The following NWD1 variants were observed in gnomAD, a reference collection of about 807,000 sequenced individuals.
NWD1 encodes NACHT domain- and WD repeat-containing protein 1.
Under a neutral mutation model 135.1 loss-of-function variants are expected in NWD1, and 129 were observed. The ratio of observed to expected loss-of-function variants is 0.96; its 90% confidence interval spans 0.83 to 1.11. The LOEUF is 1.11. Among genes scored for constraint, NWD1 ranks in the 50% least tolerant of loss-of-function variants. The probability of loss-of-function intolerance (pLI) is 0.00; values close to 1 mark genes in which losing one functional copy is unlikely to be tolerated. For synonymous variants in NWD1, 773 were observed against 786.0 expected, an observed-to-expected ratio of 0.98 and a Z score of 0.28; for missense variants, 1,740 against 1,851.3, an observed-to-expected ratio of 0.94 and a Z score of 1.10.
chr19:16,761,004 T>A (rs987787514), intron 7 of NWD1, among the ~76,000 whole-genome samples: 2 of 152,152 alleles, frequency 1.3e-5, no homozygotes, highest in Non-Finnish European at 2.9e-5. Context: ...CCTGTCCCCA[T>A]CAGCCGTCAC....
rs141813029 is a variant in NWD1, at chr19:16,775,035, C to A, written c.2608+1712C>A. ...ACCCATCTATTTATCTGCCCACCCA[C>A]AATCTCTCACACTGATTGTGAGACC... On this transcript the variant is annotated intron_variant, in intron 11 of 18. Coordinates refer to ENST00000524140, the MANE Select transcript of NWD1 (RefSeq NM_001007525.5). Among the ~76,000 whole-genome samples, 466 of 152,298 alleles carry A rather than the reference C, an allele frequency of 3.1e-3. 3 individuals carry two copies. The highest frequency in any genetic ancestry group is 0.01 in the African/African-American group (418 of 41,574).
At chr19:16,748,127 G>A (rs114007828) in intron 5 of NWD1, among the ~76,000 whole-genome samples, 4,291 of 152,144 alleles carry the variant, frequency 0.028, 168 homozygotes, top group African/African-American at 0.094. Context: ...GGGATTACAG[G>A]CGTGCGGCAT....
rs1967499362 is a variant in NWD1 at position 16,730,172 on chromosome 19, A to T, written c.-6-1020A>T. ...CCCCATCTCTACTAAAACACAAAAAATTAGCCAGGTGTGGTGGTGCACGCC... is the reference window on the plus strand; with the variant it reads ...CCCCATCTCTACTAAAACACAAAAATTTAGCCAGGTGTGGTGGTGCACGCC... On this transcript the variant is annotated intron_variant, in intron 2 of 18. Coordinates refer to ENST00000524140, the MANE Select transcript of NWD1 (RefSeq NM_001007525.5). Among the ~76,000 whole-genome samples, 4 of 151,904 alleles carry T rather than the reference A, an allele frequency of 2.6e-5. No individual in the cohort carries two copies. In the South Asian group the frequency reaches 8.3e-4, roughly 32 times the overall value.
At chr19:16,757,082 C>T (rs1057180556) in intron 6 of NWD1, among the ~76,000 whole-genome samples, 21 of 151,958 alleles carry the variant, frequency 1.4e-4, no homozygotes, top group Admixed American at 1.4e-3. Context: ...AGAATTATTT[C>T]GTTATATATT....
intron 14 of NWD1, 118 bp downstream of exon 14, chr19:16,791,740 T>TTTCAC: frequency 8.9e-7 from 1 of 1,118,216 alleles, no homozygotes; most frequent in East Asian, 2.4e-5. Context: ...GGAGATGAAG[T>TTTCAC]TTCACTTTTG....
intron 18 of NWD1, among the ~76,000 whole-genome samples, chr19:16,813,921 G>A (rs1377049827): frequency 6.6e-6 from 1 of 151,940 alleles, no homozygotes; most frequent in Non-Finnish European, 1.5e-5. Flanking sequence ...GGAGGCCGAT[G>A]TAGGAGGACT....
chr19:16,724,055 T>C (rs1290476325), intron 1 of NWD1, among the ~76,000 whole-genome samples: 1 of 152,152 alleles, frequency 6.6e-6, no homozygotes, highest in Non-Finnish European at 1.5e-5. Flanking sequence ...AGGGTGCTCT[T>C]GGGGAATCCC....
At chr19:16,729,714 C>CA in intron 2 of NWD1, among the ~76,000 whole-genome samples, 1 of 150,822 alleles carries the variant, frequency 6.6e-6, no homozygotes, top group East Asian at 2.0e-4. Context: ...ACTAAAAATA[C>CA]AAAAATTAGC....
At chr19:16,814,549 A>C (rs1056909347) in intron 18 of NWD1, among the ~76,000 whole-genome samples, 1 of 152,236 alleles carries the variant, frequency 6.6e-6, no homozygotes, top group African/African-American at 2.4e-5. Context: ...AGCCTACTAC[A>C]TTGTAGTTGA....
chr19:16,782,259 G>A (rs1031415796), intron 12 of NWD1, among the ~76,000 whole-genome samples: 1 of 145,060 alleles, frequency 6.9e-6, no homozygotes, highest in Non-Finnish European at 1.5e-5. Flanking sequence ...AGACCAGCCT[G>A]TGCAACATAG....
chr19:16,801,465 G>C (rs1970600272), intron 17 of NWD1: 1 of 151,574 alleles, frequency 6.6e-6, no homozygotes, highest in Non-Finnish European at 1.5e-5. Flanking sequence ...AGCCAGGCGT[G>C]ATGGCTCACA....
intron 15 of NWD1, among the ~76,000 whole-genome samples, chr19:16,794,765 T>C (rs1000248358): frequency 6.6e-6 from 1 of 152,200 alleles, no homozygotes; most frequent in Non-Finnish European, 1.5e-5. Context: ...TAAACTAGCA[T>C]AGACACTATT....
chr19:16,736,674 C>G lies in NWD1; in HGVS notation c.122C>G (p.Thr41Ser). ...TGGGGTATTCGGAACATTGAAGCCACTGACCACTTGACCACAGAACTCTGC... is the reference window on the plus strand; with the variant it reads ...TGGGGTATTCGGAACATTGAAGCCAGTGACCACTTGACCACAGAACTCTGC... ...LRWGIRNIEATDHLTTELCLE... is the reference protein window; with the variant it reads ...LRWGIRNIEASDHLTTELCLE... The change falls in exon 4 of 19, where the codon ACT becomes AGT. Residue 41 changes from threonine to serine, a missense_variant. Transcript: ENST00000524140. The G allele has an allele frequency of 6.5e-7, 1 of 1,536,198 alleles. No individual in the cohort carries two copies. The highest frequency in any genetic ancestry group is 8.7e-7 in the Non-Finnish European group (1 of 1,146,870).
intron 2 of NWD1, among the ~76,000 whole-genome samples, chr19:16,730,072 C>T (rs1339038762): frequency 6.6e-6 from 1 of 152,076 alleles, no homozygotes; most frequent in East Asian, 1.9e-4. Flanking sequence ...GCCTGTGATC[C>T]CAGCACTTTG....
rs960726189 is a variant in NWD1, at chr19:16,762,225, G to A, written c.2133+87G>A. ...CTCCTTCCTTCCCCTTTTTGCACTC[G>A]AAATGTCCTCCCGACCTACTTCTCC... is the stretch of plus-strand genomic sequence containing the variant. On this transcript the variant is annotated intron_variant, in intron 8 of 18. Coordinates refer to ENST00000524140, the MANE Select transcript of NWD1 (RefSeq NM_001007525.5). 28 of 1,233,270 alleles carry A rather than the reference G, an allele frequency of 2.3e-5. 1 individual carries two copies. In the East Asian group the frequency reaches 5.3e-4, roughly 23 times the overall value. 76.4% of individuals were successfully genotyped at this position (1,233,270 alleles called of 1,614,324 possible). A position where few individuals can be genotyped will look rare whatever the true frequency, so the allele number is the denominator to read the frequency against.
In NWD1 at chr19:16,807,731, C is replaced by T. The variant is rs1599563603; in HGVS notation, c.3882C>T (p.Pro1294=). 6.2e-7 allele frequency: 1 copy of T among 1,613,458 alleles called. No individual in the cohort carries two copies. The highest frequency in any genetic ancestry group is 2.2e-5 in the East Asian group (1 of 44,852). The change falls in exon 18 of 19, where the codon CCC becomes CCT. Residue 1294 remains proline, a synonymous_variant. Coordinates refer to ENST00000524140, the MANE Select transcript of NWD1 (RefSeq NM_001007525.5). The part of the protein sequence containing the change: ...LNSRQDVICI[P]PPEARKAINC... ...CCAGGCAGGACGTGATATGCATTCCCCCTCCCGAGGCCCGGAAAGCAATCA... is the reference window on the plus strand; with the variant it reads ...CCAGGCAGGACGTGATATGCATTCCTCCTCCCGAGGCCCGGAAAGCAATCA...
chr19:16,797,194 AT>A (rs199666059), intron 15 of NWD1, among the ~76,000 whole-genome samples: 5,057 of 151,388 alleles, frequency 0.033, 137 homozygotes, highest in South Asian at 0.11. Context: ...AAAAAAAAAA[AT>A]TGATGAGTGA....
intron 15 of NWD1, among the ~76,000 whole-genome samples, chr19:16,797,207 T>C (rs1970444176): frequency 6.6e-6 from 1 of 151,544 alleles, no homozygotes; most frequent in Non-Finnish European, 1.5e-5. Context: ...GATGAGTGAT[T>C]ACAGAAGTCA....
chr19:16,802,795 G>T (rs1970641863), intron 17 of NWD1, among the ~76,000 whole-genome samples: 1 of 152,058 alleles, frequency 6.6e-6, no homozygotes, highest in African/African-American at 2.4e-5. Flanking sequence ...GAGGTCAGGT[G>T]TTCGAGACTA....
Sources: gnomAD v4.1 joint callset for allele counts (sites outside exome capture counted in the v4.1 genomes callset) on GRCh38, gnomAD v4.1.1 for gene constraint, MANE v1.5 for transcripts, NCBI Gene and HGNC (gene_info 2026-07-23, HGNC 2026-07-21) for gene names.